ANK1: variants seen among roughly 807,000 people sequenced by gnomAD.
The protein encoded by ANK1 is ankyrin 1, also known as ankyrin-1.
ANK1 carries 51 observed loss-of-function variants against 210.4 expected under a neutral mutation model. The observed-to-expected ratio is 0.24, with a 90% CI of 0.19 to 0.31. The LOEUF (loss-of-function observed/expected upper bound fraction) is 0.31. Among genes scored for constraint, ANK1 ranks in the 10% least tolerant of loss-of-function variants. The pLI, the probability that ANK1 is intolerant of heterozygous loss-of-function variation, is 1.00. For missense variants in ANK1, 2,051 were observed against 2,504.4 expected (o/e 0.82, Z 3.86); for synonymous variants, 967 against 1,025.9 (o/e 0.94, Z 1.10).
chr8:41,698,795 T>C (rs1178879231), intron 23 of ANK1, among the ~76,000 whole-genome samples: 1 of 141,326 alleles, frequency 7.1e-6, no homozygotes, highest in Non-Finnish European at 1.6e-5. Context: ...TGAATCTTCC[T>C]CAACAATTTT....
At chr8:41,743,786 T>C (rs992027167) in intron 2 of ANK1, among the ~76,000 whole-genome samples, 1 of 151,578 alleles carries the variant, frequency 6.6e-6, no homozygotes, top group Non-Finnish European at 1.5e-5. Context: ...ACCAGAAATA[T>C]TGGTGTGATC....
chr8:41,875,614 C>T (rs1368506258), intron 1 of ANK1, among the ~76,000 whole-genome samples: 1 of 152,230 alleles, frequency 6.6e-6, no homozygotes, highest in African/African-American at 2.4e-5. Flanking sequence ...CCATTCGTTT[C>T]TCCTCCTGTG....
chr8:41,679,860 G>A (rs937856912), intron 37 of ANK1, among the ~76,000 whole-genome samples: 14 of 152,192 alleles, frequency 9.2e-5, no homozygotes, highest in Admixed American at 2.6e-4. Context: ...CACCGCGCCC[G>A]GCCTTCCTGG....
In ANK1 at chr8:41,776,504, AG is replaced by A. The variant is rs369876305; in HGVS notation, c.28-18368del. Among the ~76,000 whole-genome samples, 30 of 152,336 alleles carry A rather than the reference AG, an allele frequency of 2.0e-4. No individual in the cohort carries two copies. The East Asian group carries it at 5.6e-3, about 28-fold the overall frequency. ...GCACACTTCTGAACCAAGAGAAAGA[AG>A]CTCCAGGGAGCTGGTGCTACGTCTT... On this transcript the variant is annotated intron_variant, in intron 1 of 42. Coordinates refer to ENST00000289734, the MANE Select transcript of ANK1 (RefSeq NM_000037.4).
intron 2 of ANK1, among the ~76,000 whole-genome samples, chr8:41,742,317 C>T (rs1044352209): frequency 5.3e-5 from 8 of 152,176 alleles, no homozygotes; most frequent in East Asian, 1.9e-4. Context: ...AGAAGGGGAA[C>T]GGTTTGAAAT....
chr8:41,663,895 A>ATGCCAGGGC (rs1178366461), intron 39 of ANK1, 153 bp from the exon 40 acceptor site: 3 of 714,664 alleles, frequency 4.2e-6, no homozygotes, highest in Non-Finnish European at 7.5e-6. Context: ...AGCAGGAGCC[A>ATGCCAGGGC]TGCCAGGGCT....
rs1159476194 is a variant in ANK1 at position 41,694,807 on chromosome 8, G to T, written c.3116-4C>A. 1 of 1,613,912 alleles carries T rather than the reference G, an allele frequency of 6.2e-7. No individual in the cohort carries two copies. On this transcript the variant is annotated splice_polypyrimidine_tract_variant and splice_region_variant and intron_variant, in intron 27 of 42. Coordinates refer to ENST00000289734, the MANE Select transcript of ANK1 (RefSeq NM_000037.4). This position sits in a 1 kb window ranked among gnomAD's most constrained non-coding sequence, Gnocchi z 5.7. Reference sequence around the variant, plus strand: ...AGCTCCTCCAGGCTCCCCAGCTCTGGAATCACACACACAGGCCACCACCCC... The same window carrying T: ...AGCTCCTCCAGGCTCCCCAGCTCTGTAATCACACACACAGGCCACCACCCC...
chr8:41,769,257 C>G (rs1586825707), intron 1 of ANK1, among the ~76,000 whole-genome samples: 2 of 152,242 alleles, frequency 1.3e-5, no homozygotes, highest in South Asian at 4.1e-4. Context: ...GGCACCCTCT[C>G]GAAGGCAGCA....
Position 41,672,783 on chromosome 8 carries a change from T to A in ANK1, c.4667A>T (p.Glu1556Val). 2 of 1,603,858 alleles carry A rather than the reference T, an allele frequency of 1.2e-6. No individual in the cohort carries two copies. Among genetic ancestry groups the A allele is most frequent in the South Asian group, 2.2e-5 (2 of 89,670 alleles). The change falls in exon 38 of 43, where the codon GAG becomes GTG. Residue 1556 changes from glutamate to valine, a missense_variant. Glu to Val is a moderately radical substitution (Grantham distance 121). Transcript: ENST00000289734. ...VLDAIPLAAT[E>V]HDTMLEMSDM... ...AGACATCTCCAGCATGGTGTCATGC[T>A]CCGTGGCCGCCAAGGGGATGGCGTC...
At chr8:41,774,390 G>A (rs146721573) in intron 1 of ANK1, among the ~76,000 whole-genome samples, 8 of 152,186 alleles carry the variant, frequency 5.3e-5, no homozygotes, top group South Asian at 2.1e-4. Flanking sequence ...TCAGATGTTC[G>A]GGGCTAGTTG....
intron 1 of ANK1, among the ~76,000 whole-genome samples, chr8:41,793,202 C>T (rs549684652): frequency 6.6e-6 from 1 of 152,084 alleles, no homozygotes; most frequent in Non-Finnish European, 1.5e-5. Flanking sequence ...CATAGTGAGA[C>T]CCCTGTCTCT....
At chr8:41,815,615 T>C (rs999501672) in intron 1 of ANK1, among the ~76,000 whole-genome samples, 1 of 152,184 alleles carries the variant, frequency 6.6e-6, no homozygotes, top group Non-Finnish European at 1.5e-5. Context: ...TCATACCTTA[T>C]AACAACTTAC....
intron 3 of ANK1, among the ~76,000 whole-genome samples, chr8:41,733,276 G>A (rs909487301): frequency 2.6e-5 from 4 of 152,266 alleles, no homozygotes; most frequent in African/African-American, 7.2e-5. Context: ...GTTCCAGATC[G>A]TTAGCGAGGA....
rs1442111290 is a variant in ANK1, at chr8:41,668,493, T to C, written c.5168A>G (p.Glu1723Gly). 2 of 1,614,070 alleles carry C rather than the reference T, an allele frequency of 1.2e-6. No homozygotes were observed. Among genetic ancestry groups the C allele is most frequent in the Non-Finnish European group, 1.7e-6 (2 of 1,180,046 alleles). Residue 1723 changes from glutamate to glycine, a missense_variant, in exon 39 of 43, where the codon GAG becomes GGG. Physicochemically the swap from Glu to Gly is moderately conservative, Grantham distance 98. This residue lies in a region of ANK1 where 496 missense variants were observed against 533.4 expected (regional missense o/e 0.93). Coordinates refer to ENST00000289734, the MANE Select transcript of ANK1 (RefSeq NM_000037.4). The stretch of plus-strand genomic sequence containing the variant: ...TGAGTGTGGACCTTGCGTGACCTCC[T>C]CTTGCCAGGAACCTTGTGCAGCATC... ...LQDAAQGSWQ[E>G]EVTQGPHSFQ...
chr8:41,714,297 G>A lies in ANK1; in HGVS notation c.1702-43C>T, dbSNP rs113484364. On this transcript the variant is annotated intron_variant, in intron 15 of 42. Coordinates refer to ENST00000289734, the MANE Select transcript of ANK1 (RefSeq NM_000037.4). ...AAAAGAGGCCGGCTGTCACTCCCAC[G>A]GACTTTCTCCCAGGACTCCCTTTAG... 1.1e-4 allele frequency: 161 copies of A among 1,489,972 alleles called. 1 individual carries two copies. The South Asian group carries it at 1.7e-3, about 16-fold the overall frequency. 92.3% of individuals were successfully genotyped at this position (1,489,972 alleles called of 1,614,324 possible).
intron 1 of ANK1, among the ~76,000 whole-genome samples, chr8:41,875,102 G>T (rs968000761): frequency 6.6e-6 from 1 of 152,152 alleles, no homozygotes; most frequent in Non-Finnish European, 1.5e-5. Context: ...AGCTGGAAAG[G>T]GTACGGGATG....
At chr8:41,893,606 T>A (rs1181179159) in intron 1 of ANK1, among the ~76,000 whole-genome samples, 1 of 152,240 alleles carries the variant, frequency 6.6e-6, no homozygotes, top group Non-Finnish European at 1.5e-5. Context: ...GGGATGCGGT[T>A]CTGCTCAGTC....
chr8:41,875,883 C>T (rs922574876), intron 1 of ANK1, among the ~76,000 whole-genome samples: 4 of 152,182 alleles, frequency 2.6e-5, no homozygotes, highest in Non-Finnish European at 5.9e-5. Context: ...AGAAAGGAAC[C>T]TGAGCACACC....
chr8:41,885,861 T>C (rs943893787), intron 1 of ANK1, among the ~76,000 whole-genome samples: 2 of 152,262 alleles, frequency 1.3e-5, no homozygotes, highest in Non-Finnish European at 1.5e-5. Context: ...CTGTTTCTGA[T>C]TCTTCACTCT....
Sources: gnomAD v4.1 joint callset for allele counts (sites outside exome capture counted in the v4.1 genomes callset) on GRCh38, gnomAD v4.1.1 for gene constraint, gnomAD v4.1.1 regional missense constraint, Gnocchi (gnomAD v3.1) non-coding constraint, MANE v1.5 for transcripts, NCBI Gene and HGNC (gene_info 2026-07-23, HGNC 2026-07-21) for gene names.